The following MMP16 variants were observed in gnomAD, a reference collection of about 807,000 sequenced individuals.
MMP16 encodes the protein matrix metallopeptidase 16.
MMP16 carries 12 observed loss-of-function variants against 67.8 expected under a neutral mutation model. That is an observed-to-expected ratio of 0.18 (90% CI 0.11 to 0.29). The LOEUF (loss-of-function observed/expected upper bound fraction) is 0.29. MMP16 is among the 10% of genes least tolerant of loss of function. The pLI, the probability that MMP16 is intolerant of heterozygous loss-of-function variation, is 1.00. For synonymous variants in MMP16, 249 were observed against 255.9 expected, an observed-to-expected ratio of 0.97 and a Z score of 0.26; for missense variants, 475 against 765.7, an observed-to-expected ratio of 0.62 and a Z score of 4.48.
At chr8:88,264,567 G>T (rs1810444860) in intron 1 of MMP16, among the ~76,000 whole-genome samples, 1 of 152,162 alleles carries the variant, frequency 6.6e-6, no homozygotes, top group South Asian at 2.1e-4. Flanking sequence ...AATACAGACT[G>T]GGTAAACCCT....
At position 88,040,374 on chromosome 8, in the gene MMP16, G is replaced by A. The variant is rs771397509; in HGVS notation, c.*1087C>T. The A allele has an allele frequency of 2.0e-5, 3 of 152,394 alleles. No individual in the cohort carries two copies. The highest frequency in any genetic ancestry group is 4.4e-5 in the Non-Finnish European group (3 of 67,994). The allele number at this position is 152,394 out of a possible 1,614,324, so 9.4% of individuals were successfully genotyped here. A position where few individuals can be genotyped will look rare whatever the true frequency, so the allele number is the denominator to read the frequency against. On this transcript the variant is annotated 3_prime_UTR_variant, in exon 10 of 10. Transcript: ENST00000286614. ...TGAACTTGTGACTGTTTTTACCATT[G>A]CCCAGTTCTATAATTTATCAGATCG...
intron 1 of MMP16, among the ~76,000 whole-genome samples, chr8:88,318,654 C>T (rs1811409488): frequency 6.6e-6 from 1 of 152,100 alleles, no homozygotes; most frequent in African/African-American, 2.4e-5. Flanking sequence ...GCAATATAAC[C>T]TTGGCAAGTT....
chr8:88,257,057 TA>T (rs1810314789), intron 1 of MMP16, among the ~76,000 whole-genome samples: 1 of 152,220 alleles, frequency 6.6e-6, no homozygotes. Flanking sequence ...TTCATTCTCT[TA>T]AATTTTATAA....
chr8:88,091,781 T>C (rs2118347133), intron 6 of MMP16, among the ~76,000 whole-genome samples: 1 of 152,030 alleles, frequency 6.6e-6, no homozygotes, highest in East Asian at 1.9e-4. Flanking sequence ...CATGTGTAGC[T>C]ACTTAAATTT....
chr8:88,259,152 A>C (rs1810348962), intron 1 of MMP16, among the ~76,000 whole-genome samples: 1 of 152,138 alleles, frequency 6.6e-6, no homozygotes, highest in Admixed American at 6.5e-5. Flanking sequence ...GTGTAACTCC[A>C]GAGGTAAGAT....
chr8:88,154,086 C>T (rs2129655110), intron 4 of MMP16, among the ~76,000 whole-genome samples: 1 of 142,512 alleles, frequency 7.0e-6, no homozygotes, highest in South Asian at 2.4e-4. Context: ...CAAAAGAAGA[C>T]ATTTATGCAG....
intron 6 of MMP16, among the ~76,000 whole-genome samples, chr8:88,097,226 A>T (rs1248886855): frequency 6.6e-6 from 1 of 151,636 alleles, no homozygotes; most frequent in Non-Finnish European, 1.5e-5. Flanking sequence ...AAGAAAAACT[A>T]TTTTTTTTGG....
At chr8:88,083,816 A>G (rs1217024689) in intron 6 of MMP16, among the ~76,000 whole-genome samples, 1 of 152,066 alleles carries the variant, frequency 6.6e-6, no homozygotes, top group Non-Finnish European at 1.5e-5. Context: ...AGCAAGAACC[A>G]TCACTGAATT....
chr8:88,047,728 G>A (rs1011649393), intron 8 of MMP16, among the ~76,000 whole-genome samples: 10 of 152,154 alleles, frequency 6.6e-5, no homozygotes, highest in African/African-American at 2.4e-4. Context: ...ACACTACAGC[G>A]AGCCTTTGGC....
intron 3 of MMP16, among the ~76,000 whole-genome samples, chr8:88,175,724 C>A (rs1808876762): frequency 6.6e-6 from 1 of 152,020 alleles, no homozygotes; most frequent in Non-Finnish European, 1.5e-5. Flanking sequence ...ATGTCCCTAC[C>A]CAAATCTCAT....
chr8:88,196,277 TAAAAA>T (rs1809247743), intron 2 of MMP16, among the ~76,000 whole-genome samples: 1 of 152,188 alleles, frequency 6.6e-6, no homozygotes, highest in South Asian at 2.1e-4. Flanking sequence ...TCAAGGATTC[TAAAAA>T]CACAAATAAT....
chr8:88,154,311 T>A (rs1460433215), intron 4 of MMP16, among the ~76,000 whole-genome samples: 540 of 137,700 alleles, frequency 3.9e-3, no homozygotes, highest in Non-Finnish European at 5.3e-3. Flanking sequence ...CAGTGTGGCG[T>A]TTCCTCAGGG....
In MMP16 at chr8:88,034,667, T is replaced by C. The variant is rs1808031785; in HGVS notation, c.*6794A>G. 6.6e-6 allele frequency: 1 copy of C among 152,014 alleles called. No homozygotes were observed. The highest frequency in any genetic ancestry group is 6.6e-5 in the Admixed American group (1 of 15,208). The allele number at this position is 152,014 out of a possible 1,614,324, so 9.4% of individuals were successfully genotyped here. On this transcript the variant is annotated 3_prime_UTR_variant, in exon 10 of 10. Transcript: ENST00000286614. ...CTCATATTACTACCAAAATCATTCATTCAAGCAAAGTATATTTTATCTTAA... is the reference window on the plus strand; with the variant it reads ...CTCATATTACTACCAAAATCATTCACTCAAGCAAAGTATATTTTATCTTAA...
At chr8:88,227,728 G>C (rs990606069) in intron 1 of MMP16, among the ~76,000 whole-genome samples, 4 of 151,964 alleles carry the variant, frequency 2.6e-5, no homozygotes, top group African/African-American at 7.2e-5. Context: ...GGACTTCTGA[G>C]ACACTGCGAT....
rs1204560152 is a variant in MMP16 at position 88,041,594 on chromosome 8, G to T, written c.1691C>A (p.Ala564Asp). ...GATGCAGGGAATGACAATAGCTATG[G>T]CTTTCACAGTGCTGGCTGTGTTGTC... ...KLDNTASTVK[A>D]IAIVIPCILA... Residue 564 changes from alanine (A) to aspartate (D), a missense_variant, in exon 10 of 10, where the codon GCC becomes GAC. By Grantham distance (126) the Ala-to-Asp change is moderately radical (BLOSUM62 -2). Coordinates refer to ENST00000286614, the MANE Select transcript of MMP16 (RefSeq NM_005941.5). The surrounding 1 kb of genome is among the most constrained non-coding windows in gnomAD (Gnocchi z 6.0). 1.2e-6 allele frequency: 2 copies of T among 1,614,124 alleles called. No homozygotes were observed. Among genetic ancestry groups the T allele is most frequent in the Non-Finnish European group, 1.7e-6 (2 of 1,180,016 alleles).
chr8:88,224,070 T>C (rs1809730218), intron 1 of MMP16, among the ~76,000 whole-genome samples: 1 of 151,916 alleles, frequency 6.6e-6, no homozygotes, highest in Non-Finnish European at 1.5e-5. Flanking sequence ...TTAGGTTGCA[T>C]TGTAGGGGCC....
At chr8:88,203,130 A>G (rs1430645487) in intron 1 of MMP16, among the ~76,000 whole-genome samples, 1 of 139,254 alleles carries the variant, frequency 7.2e-6, no homozygotes, top group Non-Finnish European at 1.5e-5. Context: ...TTTGAGACAG[A>G]GTCTCGCTCT....
intron 6 of MMP16, among the ~76,000 whole-genome samples, chr8:88,090,423 A>C (rs533401328): frequency 2.6e-5 from 4 of 152,044 alleles, no homozygotes; most frequent in Middle Eastern, 3.4e-3. Context: ...ATTAAAGAAA[A>C]CTATTTTGTA....
chr8:88,203,582 A>C (rs532822920), intron 1 of MMP16, among the ~76,000 whole-genome samples: 1 of 152,334 alleles, frequency 6.6e-6, no homozygotes, highest in East Asian at 1.9e-4. Context: ...CACAGTGCAA[A>C]GAGTTTCACA....
Sources: gnomAD v4.1 joint callset for allele counts (sites outside exome capture counted in the v4.1 genomes callset) on GRCh38, gnomAD v4.1.1 for gene constraint, Gnocchi (gnomAD v3.1) non-coding constraint, MANE v1.5 for transcripts, NCBI Gene and HGNC (gene_info 2026-07-23, HGNC 2026-07-21) for gene names.